RHCG: variants seen among roughly 807,000 people sequenced by gnomAD.
RHCG encodes Rh family C glycoprotein, also known as ammonium transporter Rh type C.
A neutral mutation model predicts 55.3 loss-of-function variants in RHCG; 39 were observed. The observed-to-expected ratio is 0.70, with a 90% CI of 0.55 to 0.92. RHCG has a LOEUF of 0.92. RHCG is among the 40% of genes least tolerant of loss of function. RHCG has a pLI of 0.00. For synonymous variants in RHCG, 250 were observed against 246.8 expected, an observed-to-expected ratio of 1.01 and a Z score of -0.12; for missense variants, 635 against 627.9, an observed-to-expected ratio of 1.01 and a Z score of -0.12.
At chr15:89,476,690 A>G (rs2141888629) in intron 9 of RHCG, 65 bp downstream of exon 9, 1 of 1,370,664 alleles carries the variant, frequency 7.3e-7, no homozygotes, top group South Asian at 1.2e-5. Flanking sequence ...AGCCCAGCTG[A>G]TGCAGTGGAG....
chr15:89,495,169 A>AT (rs775390178), intron 1 of RHCG, among the ~76,000 whole-genome samples: 3 of 152,158 alleles, frequency 2.0e-5, no homozygotes, highest in Non-Finnish European at 2.9e-5. Context: ...CCAAGTAACT[A>AT]TTAAATGCAG....
chr15:89,478,031 C>A, intron 5 of RHCG, 57 bp from the exon 6 acceptor site: 1 of 1,546,854 alleles, frequency 6.5e-7, no homozygotes, highest in South Asian at 1.2e-5. Context: ...AGCACCGGGC[C>A]TGGAGGAGCT....
intron 1 of RHCG, among the ~76,000 whole-genome samples, chr15:89,493,874 C>T (rs1325950223): frequency 2.6e-5 from 4 of 152,114 alleles, no homozygotes; most frequent in African/African-American, 9.7e-5. Context: ...TGGGGGTCAT[C>T]ACACCACCTC....
At position 89,494,901 on chromosome 15, in the gene RHCG, G is replaced by A. The variant is rs1961538787; in HGVS notation, c.184+1460C>T. 1.3e-5 allele frequency among the ~76,000 whole-genome samples: 2 copies of A among 152,116 alleles called. 1 individual carries two copies. Among genetic ancestry groups the A allele is most frequent in the African/African-American group, 4.8e-5 (2 of 41,400 alleles). On this transcript the variant is annotated intron_variant, in intron 1 of 10. Coordinates refer to ENST00000268122, the MANE Select transcript of RHCG (RefSeq NM_016321.3). ...CTTGCCCCTTATGCTCTGGGGTCAA[G>A]TGGGAAGCAAGTGCGGGAGGGAGGG... is the stretch of plus-strand genomic sequence containing the variant.
At chr15:89,490,482 T>A (rs1011341031) in intron 1 of RHCG, among the ~76,000 whole-genome samples, 18 of 152,256 alleles carry the variant, frequency 1.2e-4, no homozygotes, top group African/African-American at 4.3e-4. Context: ...ATTTCATGTA[T>A]GATCGTGTTG....
chr15:89,488,917 T>C (rs568291073), intron 1 of RHCG, among the ~76,000 whole-genome samples: 1 of 152,298 alleles, frequency 6.6e-6, no homozygotes, highest in African/African-American at 2.4e-5. Context: ...ACTATGGTTA[T>C]GGAAGAGAAT....
intron 1 of RHCG, among the ~76,000 whole-genome samples, chr15:89,493,940 G>A (rs1961520778): frequency 6.6e-6 from 1 of 152,070 alleles, no homozygotes; most frequent in Non-Finnish European, 1.5e-5. Flanking sequence ...TTGGAGGGGT[G>A]GCCACTACTT....
chr15:89,479,974 G>A (rs1475462831), intron 4 of RHCG, among the ~76,000 whole-genome samples: 1 of 152,226 alleles, frequency 6.6e-6, no homozygotes, highest in Non-Finnish European at 1.5e-5. Context: ...TTACCACTGT[G>A]TCTGCCTTGG....
intron 1 of RHCG, among the ~76,000 whole-genome samples, chr15:89,491,833 A>T (rs1468103354): frequency 6.6e-6 from 1 of 152,136 alleles, no homozygotes; most frequent in Non-Finnish European, 1.5e-5. Context: ...AACCGTATGG[A>T]CCTTTAGCAA....
chr15:89,486,198 G>C (rs1961355366), intron 2 of RHCG: 1 of 453,922 alleles, frequency 2.2e-6, no homozygotes, highest in African/African-American at 2.0e-5. Flanking sequence ...ACCCACACCT[G>C]TCTCACAGCT....
Position 89,477,737 on chromosome 15 carries a change from T to C in RHCG, c.976-84A>G. On this transcript the variant is annotated intron_variant, in intron 6 of 10. Transcript: ENST00000268122. The surrounding 1 kb of genome is among the most constrained non-coding windows in gnomAD (Gnocchi z 4.5). ...CCGGGATTCCAGAGACCCAGGATTC[T>C]CTAGCCCTCAGCCCCCTCCCTAGGA... The C allele has an allele frequency of 6.2e-7, 1 of 1,604,024 alleles. No homozygotes were observed. The highest frequency in any genetic ancestry group is 2.2e-5 in the East Asian group (1 of 44,660).
chr15:89,490,277 G>A (rs1382357176), intron 1 of RHCG, among the ~76,000 whole-genome samples: 1 of 152,254 alleles, frequency 6.6e-6, no homozygotes, highest in Non-Finnish European at 1.5e-5. Context: ...CAAGGCCACA[G>A]ACCCCTCAGC....
At chr15:89,489,576 C>T (rs924193430) in intron 1 of RHCG, among the ~76,000 whole-genome samples, 2 of 152,192 alleles carry the variant, frequency 1.3e-5, no homozygotes. Context: ...ATTCCTACTC[C>T]CTCACCCACC....
chr15:89,486,046 C>G (rs1961352612), intron 2 of RHCG, among the ~76,000 whole-genome samples: 1 of 152,100 alleles, frequency 6.6e-6, no homozygotes, highest in Non-Finnish European at 1.5e-5. Context: ...GGCTGAGTCA[C>G]CTGACAAGAA....
intron 1 of RHCG, among the ~76,000 whole-genome samples, chr15:89,495,882 G>A (rs539400465): frequency 2.0e-4 from 31 of 152,362 alleles, no homozygotes; most frequent in Non-Finnish European, 4.1e-4. Context: ...GACACCAGAA[G>A]ATTCAGGGGC....
intron 2 of RHCG, among the ~76,000 whole-genome samples, chr15:89,484,734 C>T (rs975270918): frequency 6.8e-6 from 1 of 147,568 alleles, no homozygotes; most frequent in Non-Finnish European, 1.5e-5. Context: ...GAGCCAAGAT[C>T]GCACCACTGC....
rs769026575 is a variant in RHCG, at chr15:89,477,552, C to T, written c.1077G>A (p.Ala359=). ...IIGGIVGAVT[A]ASASLEVYGK... ...CATAGACTTCAAGGCTGGCGGAGGC[C>T]GCTGTCACAGCACCCACGATGCCGC... Residue 359 remains alanine (A), a synonymous_variant, in exon 7 of 11, where the codon GCG becomes GCA. Coordinates refer to ENST00000268122, the MANE Select transcript of RHCG (RefSeq NM_016321.3). The surrounding 1 kb of genome is among the most constrained non-coding windows in gnomAD (Gnocchi z 4.5). 75 of 1,613,986 alleles carry T rather than the reference C, an allele frequency of 4.6e-5. No homozygotes were observed. Among genetic ancestry groups the T allele is most frequent in the Middle Eastern group, 1.6e-4 (1 of 6,084 alleles).
chr15:89,481,151 A>G (rs1961259245), intron 3 of RHCG, among the ~76,000 whole-genome samples: 1 of 152,202 alleles, frequency 6.6e-6, no homozygotes, highest in African/African-American at 2.4e-5. Context: ...TTTCTCATCT[A>G]TAAAACAGGG....
Position 89,477,934 on chromosome 15 carries a change from A to G in RHCG, c.878T>C (p.Val293Ala), listed in dbSNP as rs1394763132. The change falls in exon 6 of 11, where the codon GTG becomes GCG. Residue 293 changes from valine to alanine, a missense_variant. Coordinates refer to ENST00000268122, the MANE Select transcript of RHCG (RefSeq NM_016321.3). This position sits in a 1 kb window ranked among gnomAD's most constrained non-coding sequence, Gnocchi z 4.5. ...GAGCATCATCTCAGCAGCGGTACCC[A>G]CGGCCACCCCTCCTGCGAGCGTGGC... Reference protein sequence around the residue: ...QNATLAGGVAVGTAAEMMLMP... With the variant: ...QNATLAGGVAAGTAAEMMLMP... 5.0e-6 allele frequency: 8 copies of G among 1,612,670 alleles called. No individual in the cohort carries two copies. Among genetic ancestry groups the G allele is most frequent in the East Asian group, 4.5e-5 (2 of 44,834 alleles).
Sources: allele counts gnomAD v4.1 joint callset (sites outside exome capture counted in the v4.1 genomes callset), GRCh38; gene constraint gnomAD v4.1.1; non-coding constraint Gnocchi (gnomAD v3.1); transcripts MANE v1.5; gene names NCBI Gene and HGNC (gene_info 2026-07-23, HGNC 2026-07-21).